CERS1: variants seen among roughly 807,000 people sequenced by gnomAD.
The protein encoded by CERS1 is ceramide synthase 1, also known as Embryonic growth/differentiation factor 1.
A neutral mutation model predicts 35.7 loss-of-function variants in CERS1; 16 were observed. The observed-to-expected ratio is 0.45, with a 90% CI of 0.30 to 0.68. The LOEUF (loss-of-function observed/expected upper bound fraction) is 0.68. Ranked by LOEUF, CERS1 falls within the 30% of genes least tolerant of loss-of-function variation. The pLI, the probability that CERS1 is intolerant of heterozygous loss-of-function variation, is 0.08. For synonymous variants in CERS1, 243 were observed against 201.6 expected (o/e 1.21, Z -1.74); for missense variants, 454 against 453.9 (o/e 1.00, Z 0.00).
At chr19:18,876,687 AC>A (rs1473890684) in intron 6 of CERS1, among the ~76,000 whole-genome samples, 1 of 152,060 alleles carries the variant, frequency 6.6e-6, no homozygotes, top group Non-Finnish European at 1.5e-5. Context: ...GCCTGGCCAA[AC>A]TTTTTTATTT....
Position 18,870,698 on chromosome 19 carries a change from C to A in CERS1, c.1011-79G>T. ...CCCTCTTTCCCGCTTCTTCTCTGGC[C>A]GTTTCACACCCCCTGGCTCCTTTTA... On this transcript the variant is annotated intron_variant, in intron 6 of 7. Transcript: ENST00000623882. The surrounding 1 kb of genome is among the most constrained non-coding windows in gnomAD (Gnocchi z 5.1). 1 of 499,642 alleles carries A rather than the reference C, an allele frequency of 2.0e-6. No individual in the cohort carries two copies. Among genetic ancestry groups the A allele is most frequent in the South Asian group, 3.7e-5 (1 of 27,188 alleles). The allele number at this position is 499,642 out of a possible 1,614,324, so 31.0% of individuals were successfully genotyped here.
At chr19:18,891,078 C>T (rs531721975) in intron 2 of CERS1, among the ~76,000 whole-genome samples, 3 of 151,042 alleles carry the variant, frequency 2.0e-5, no homozygotes, top group East Asian at 1.9e-4. Flanking sequence ...GAGCCGAGAT[C>T]GTGCCATTGC....
Position 18,896,020 on chromosome 19 carries a change from C to T in CERS1, c.53G>A (p.Ser18Asn). ...AGPTGPEPMP[S>N]YAQLVQRGWG... ...GCCGCGCTGCACTAGCTGCGCGTAG[C>T]TCGGCATGGGCTCGGGCCCCGTCGG... is the stretch of plus-strand genomic sequence containing the variant. Residue 18 changes from serine to asparagine, a missense_variant, in exon 1 of 8, where the codon AGC (serine) becomes AAC (asparagine). Physicochemically the swap from Ser to Asn is conservative, Grantham distance 46. Coordinates refer to ENST00000623882, the MANE Select transcript of CERS1 (RefSeq NM_021267.5). The surrounding 1 kb of genome is among the most constrained non-coding windows in gnomAD (Gnocchi z 5.9). 9.9e-7 allele frequency: 1 copy of T among 1,006,774 alleles called. No individual in the cohort carries two copies. The highest frequency in any genetic ancestry group is 5.9e-5 in the Admixed American group (1 of 16,820). 62.4% of individuals were successfully genotyped at this position (1,006,774 alleles called of 1,614,324 possible).
In CERS1 at chr19:18,869,130, C is replaced by T; in HGVS notation, c.*855G>A. The stretch of plus-strand genomic sequence containing the variant: ...GCCCAAGCGGCGCCCAGCAGCTCCG[C>T]GCGCACTGGCGGCCCCAGGGCGGGC... On this transcript the variant is annotated 3_prime_UTR_variant, in exon 8 of 8. Coordinates refer to ENST00000623882, the MANE Select transcript of CERS1 (RefSeq NM_021267.5). The T allele has an allele frequency of 9.1e-7, 1 of 1,099,004 alleles. No homozygotes were observed. Among genetic ancestry groups the T allele is most frequent in the Non-Finnish European group, 1.1e-6 (1 of 902,060 alleles). The allele number at this position is 1,099,004 out of a possible 1,614,324, so 68.1% of individuals were successfully genotyped here. A position where few individuals can be genotyped will look rare whatever the true frequency, so the allele number is the denominator to read the frequency against.
Position 18,895,805 on chromosome 19 carries a change from G to C in CERS1, c.249+19C>G, listed in dbSNP as rs1390239985. 2 of 1,220,680 alleles carry C rather than the reference G, an allele frequency of 1.6e-6. No homozygotes were observed. Among genetic ancestry groups the C allele is most frequent in the East Asian group, 3.6e-5 (1 of 27,534 alleles). The allele number at this position is 1,220,680 out of a possible 1,614,324, so 75.6% of individuals were successfully genotyped here. On this transcript the variant is annotated intron_variant, in intron 1 of 7. Coordinates refer to ENST00000623882, the MANE Select transcript of CERS1 (RefSeq NM_021267.5). The surrounding 1 kb of genome is among the most constrained non-coding windows in gnomAD (Gnocchi z 6.4). ...CCCCAGTCCGGGGTCCCCTCGTCCCGGCCCCCGGCCACACTGACCCGAAAG... is the reference window on the plus strand; with the variant it reads ...CCCCAGTCCGGGGTCCCCTCGTCCCCGCCCCCGGCCACACTGACCCGAAAG...
chr19:18,869,901 G>A, intron 7 of CERS1, 82 bp downstream of exon 7: 1 of 1,382,324 alleles, frequency 7.2e-7, no homozygotes, highest in Non-Finnish European at 1.0e-6. Context: ...GGAGCTGCTC[G>A]GGCATCCCCG....
chr19:18,880,426 A>AT lies in CERS1; in HGVS notation c.599dup (p.Asn200LysfsTer14). ...GCAGGAAGAGCACAAGGATGCCCAC[A>AT]TTGTGGTACCTGGGGGAGCAGCAGG... On this transcript the variant is annotated frameshift_variant, in exon 4 of 8. Transcript: ENST00000623882. LOFTEE classifies it high-confidence loss of function. 1 of 1,585,454 alleles carries AT rather than the reference A, an allele frequency of 6.3e-7. No homozygotes were observed.
intron 7 of CERS1, among the ~76,000 whole-genome samples, 183 bp downstream of exon 7, chr19:18,869,798 CAT>C (rs1019509633): frequency 6.6e-6 from 1 of 152,106 alleles, no homozygotes; most frequent in Non-Finnish European, 1.5e-5. Context: ...AACCCCCTGA[CAT>C]GTGTCCCCGG....
chr19:18,894,780 G>A (rs1261024757), intron 1 of CERS1, among the ~76,000 whole-genome samples: 2 of 152,140 alleles, frequency 1.3e-5, no homozygotes, highest in African/African-American at 2.4e-5. Flanking sequence ...GAGAGTGGCA[G>A]TCAGACAACA....
In CERS1 at chr19:18,885,511, G is replaced by GTTT. The variant is rs59793456; in HGVS notation, c.410-1247_410-1245dup. On this transcript the variant is annotated intron_variant, in intron 2 of 7. Transcript: ENST00000623882. ...CTCACCCAGCCCAGCGCCCCTTCTC[G>GTTT]TTTTTTTTTTTTTTTTTTTTTTTTT... Among the ~76,000 whole-genome samples, 149 of 22,082 alleles carry GTTT rather than the reference G, an allele frequency of 6.7e-3. 6 individuals carry two copies. The highest frequency in any genetic ancestry group is 0.017 in the African/African-American group (144 of 8,668). 14.5% of individuals were successfully genotyped at this position (22,082 alleles called of 152,430 possible).
chr19:18,891,412 G>A (rs1014375279), intron 2 of CERS1, among the ~76,000 whole-genome samples: 9 of 152,158 alleles, frequency 5.9e-5, no homozygotes, highest in Non-Finnish European at 1.3e-4. Flanking sequence ...CGCAGATGGG[G>A]TTTCCTACAT....
intron 7 of CERS1, among the ~76,000 whole-genome samples, chr19:18,869,604 C>T (rs1474467935): frequency 1.4e-5 from 2 of 143,364 alleles, no homozygotes; most frequent in Admixed American, 6.9e-5. Flanking sequence ...GTGGGCTGCC[C>T]TCGGCGGGGG....
At chr19:18,884,058 G>A in intron 3 of CERS1, 29 bp downstream of exon 3, 1 of 1,599,058 alleles carries the variant, frequency 6.3e-7, no homozygotes. Flanking sequence ...GCTGTGCCTC[G>A]GCCCCCTGCC....
At position 18,878,576 on chromosome 19, in the gene CERS1, G is replaced by C. The variant is rs369729899; in HGVS notation, c.1010+354C>G. On this transcript the variant is annotated intron_variant, in intron 6 of 7. Transcript: ENST00000623882. This position sits in a 1 kb window ranked among gnomAD's most constrained non-coding sequence, Gnocchi z 4.6. Reference sequence around the variant, plus strand: ...AGCTCCAGTGGCGACATGGGTCAGAGGTCGTCATCCAGGCTGGCCAGCAAC... The same window carrying C: ...AGCTCCAGTGGCGACATGGGTCAGACGTCGTCATCCAGGCTGGCCAGCAAC... 179 of 1,093,348 alleles carry C rather than the reference G, an allele frequency of 1.6e-4. 3 individuals carry two copies. The South Asian group carries it at 3.7e-3, about 22-fold the overall frequency. 67.7% of individuals were successfully genotyped at this position (1,093,348 alleles called of 1,614,324 possible). A position where few individuals can be genotyped will look rare whatever the true frequency, so the allele number is the denominator to read the frequency against.
chr19:18,889,785 C>T (rs2056448537), intron 2 of CERS1, among the ~76,000 whole-genome samples: 1 of 152,068 alleles, frequency 6.6e-6, no homozygotes, highest in African/African-American at 2.4e-5. Context: ...CAATGCCACC[C>T]CTGCCTTGTC....
chr19:18,893,372 T>G (rs1468761525), intron 2 of CERS1, 44 bp downstream of exon 2: 1 of 1,552,890 alleles, frequency 6.4e-7, no homozygotes. Flanking sequence ...GGCGTCTTTG[T>G]GTTTTAAGCA....
intron 4 of CERS1, among the ~76,000 whole-genome samples, 172 bp downstream of exon 4, chr19:18,880,102 T>C (rs1322678876): frequency 6.7e-6 from 1 of 149,420 alleles, no homozygotes; most frequent in African/African-American, 2.5e-5. Context: ...TCCTTTCCTG[T>C]ATAGCCCCGC....
chr19:18,877,335 T>A (rs1321189935), intron 6 of CERS1, among the ~76,000 whole-genome samples: 1 of 152,212 alleles, frequency 6.6e-6, no homozygotes, highest in African/African-American at 2.4e-5. Flanking sequence ...GTCCCCACCA[T>A]GAGCTCACTG....
chr19:18,889,591 A>C (rs987271212), intron 2 of CERS1, among the ~76,000 whole-genome samples: 3 of 152,084 alleles, frequency 2.0e-5, no homozygotes, highest in Non-Finnish European at 2.9e-5. Flanking sequence ...TATCCAGCTA[A>C]TTTTATTTTT....
Sources: allele counts gnomAD v4.1 joint callset (sites outside exome capture counted in the v4.1 genomes callset), GRCh38; gene constraint gnomAD v4.1.1; non-coding constraint Gnocchi (gnomAD v3.1); transcripts MANE v1.5; gene names NCBI Gene and HGNC (gene_info 2026-07-23, HGNC 2026-07-21).